CPA6: variants seen among roughly 807,000 people sequenced by gnomAD.
CPA6 encodes carboxypeptidase A6, also known as carboxypeptidase B.
CPA6 carries 58 observed loss-of-function variants against 63.3 expected under a neutral mutation model. The observed-to-expected ratio is 0.92, with a 90% CI of 0.74 to 1.14. The LOEUF is 1.14. Among genes scored for constraint, CPA6 ranks in the 50% most tolerant of loss-of-function variants. The pLI is 0.00. For synonymous variants in CPA6, 185 were observed against 179.0 expected, an observed-to-expected ratio of 1.03 and a Z score of -0.27; for missense variants, 565 against 526.6, an observed-to-expected ratio of 1.07 and a Z score of -0.71.
chr8:67,452,007 G>A (rs531659333), intron 8 of CPA6, among the ~76,000 whole-genome samples: 4 of 152,234 alleles, frequency 2.6e-5, no homozygotes, highest in African/African-American at 7.2e-5. Context: ...AAAATACGGA[G>A]TGATAACTTC....
chr8:67,447,743 A>AT (rs2128955218), intron 8 of CPA6, among the ~76,000 whole-genome samples: 1 of 152,106 alleles, frequency 6.6e-6, no homozygotes, highest in East Asian at 1.9e-4. Context: ...TCACCTTTTG[A>AT]TTTTTGCCAG....
chr8:67,437,122 G>C (rs1407145807), intron 8 of CPA6, among the ~76,000 whole-genome samples: 14 of 152,322 alleles, frequency 9.2e-5, no homozygotes, highest in Non-Finnish European at 2.9e-5. Flanking sequence ...TGGGCCAGGC[G>C]TGGTGGCTTA....
chr8:67,484,111 C>T (rs913624902), intron 7 of CPA6, among the ~76,000 whole-genome samples: 6 of 152,052 alleles, frequency 3.9e-5, no homozygotes, highest in South Asian at 2.1e-4. Flanking sequence ...GCTCTATCGC[C>T]CTGGCTGGAG....
chr8:67,531,859 A>G (rs148797286), intron 2 of CPA6, among the ~76,000 whole-genome samples: 2,860 of 152,334 alleles, frequency 0.019, 40 homozygotes, highest in Non-Finnish European at 0.03. Context: ...ATGTCAAATG[A>G]TCTCTGATTA....
chr8:67,737,156 A>T (rs1817827952), intron 1 of CPA6, among the ~76,000 whole-genome samples: 1 of 152,152 alleles, frequency 6.6e-6, no homozygotes, highest in South Asian at 2.1e-4. Flanking sequence ...AATCAGAACC[A>T]TATGTTATGG....
At chr8:67,449,669 G>A (rs561851606) in intron 8 of CPA6, among the ~76,000 whole-genome samples, 53 of 152,176 alleles carry the variant, frequency 3.5e-4, no homozygotes, top group African/African-American at 9.9e-4. Flanking sequence ...ATAGACAGCC[G>A]TTTTTCAGAT....
chr8:67,618,400 C>T (rs543480870), intron 2 of CPA6, among the ~76,000 whole-genome samples: 2 of 152,100 alleles, frequency 1.3e-5, no homozygotes, highest in Non-Finnish European at 2.9e-5. Context: ...GGTAGTGCAC[C>T]AAGGAGGATT....
At chr8:67,676,313 T>A (rs1816473758) in intron 1 of CPA6, among the ~76,000 whole-genome samples, 2 of 152,236 alleles carry the variant, frequency 1.3e-5, no homozygotes, top group Non-Finnish European at 2.9e-5. Context: ...TTGTAAGGTT[T>A]AACCCACGTT....
chr8:67,531,558 G>A (rs4278136), intron 2 of CPA6, among the ~76,000 whole-genome samples: 48,677 of 151,776 alleles, frequency 0.32, 8,229 homozygotes, highest in African/African-American at 0.42. Flanking sequence ...AAATGTATAC[G>A]TATATACATA....
At chr8:67,433,194 C>T (rs375453025) in intron 9 of CPA6, among the ~76,000 whole-genome samples, 53 of 152,334 alleles carry the variant, frequency 3.5e-4, no homozygotes, top group African/African-American at 1.2e-3. Context: ...TAACCACCAT[C>T]CAGGTCAAGG....
chr8:67,575,005 A>T (rs1813587084), intron 2 of CPA6, among the ~76,000 whole-genome samples: 1 of 152,224 alleles, frequency 6.6e-6, no homozygotes, highest in Admixed American at 6.5e-5. Context: ...AGGGATTAAT[A>T]TTTAAAATAT....
intron 2 of CPA6, among the ~76,000 whole-genome samples, chr8:67,557,085 C>T (rs962180381): frequency 4.6e-5 from 7 of 152,100 alleles, no homozygotes; most frequent in African/African-American, 1.4e-4. Context: ...CTTTGTGGGC[C>T]ACATTTTATC....
At chr8:67,570,618 C>G (rs189305422) in intron 2 of CPA6, among the ~76,000 whole-genome samples, 1 of 152,102 alleles carries the variant, frequency 6.6e-6, no homozygotes. Flanking sequence ...TAAGCTGTTA[C>G]CAGCTTGAAA....
intron 1 of CPA6, among the ~76,000 whole-genome samples, chr8:67,686,659 C>A (rs189576064): frequency 6.6e-6 from 1 of 152,164 alleles, no homozygotes; most frequent in Non-Finnish European, 1.5e-5. Flanking sequence ...TTTGTGTTTA[C>A]ATGTTTAATG....
intron 2 of CPA6, among the ~76,000 whole-genome samples, chr8:67,622,888 G>A (rs951089357): frequency 1.3e-5 from 2 of 152,158 alleles, no homozygotes; most frequent in African/African-American, 4.8e-5. Flanking sequence ...TTTTGGGCTT[G>A]CTTGTGTTTT....
At chr8:67,729,236 G>A (rs894967764) in intron 1 of CPA6, among the ~76,000 whole-genome samples, 1 of 152,100 alleles carries the variant, frequency 6.6e-6, no homozygotes, top group African/African-American at 2.4e-5. Context: ...CATTAGCTCT[G>A]GCAATATTCT....
intron 8 of CPA6, among the ~76,000 whole-genome samples, chr8:67,459,007 C>T (rs1010735524): frequency 1.3e-5 from 2 of 152,194 alleles, no homozygotes; most frequent in African/African-American, 2.4e-5. Flanking sequence ...ACTAAATATA[C>T]TCTTGCCATA....
At chr8:67,609,428 T>C (rs960248647) in intron 2 of CPA6, among the ~76,000 whole-genome samples, 2 of 152,218 alleles carry the variant, frequency 1.3e-5, no homozygotes, top group African/African-American at 4.8e-5. Context: ...GGTTGTGTGA[T>C]ATAGATCTTA....
intron 2 of CPA6, among the ~76,000 whole-genome samples, chr8:67,601,922 T>C (rs1170166935): frequency 2.6e-5 from 4 of 152,202 alleles, no homozygotes; most frequent in Admixed American, 2.0e-4. Flanking sequence ...ATCATGTTCT[T>C]CCTTGCAACA....
Sources: gnomAD v4.1 joint callset for allele counts (sites outside exome capture counted in the v4.1 genomes callset) on GRCh38, gnomAD v4.1.1 for gene constraint, MANE v1.5 for transcripts, NCBI Gene and HGNC (gene_info 2026-07-23, HGNC 2026-07-21) for gene names.